The following HCN1 variants were observed in gnomAD, a reference collection of about 807,000 sequenced individuals.
HCN1 encodes potassium/sodium hyperpolarization-activated cyclic nucleotide-gated channel 1.
Under a neutral mutation model 78.9 loss-of-function variants are expected in HCN1, and 13 were observed. That is an observed-to-expected ratio of 0.16 (90% CI 0.11 to 0.26). The LOEUF (loss-of-function observed/expected upper bound fraction) is 0.26, where lower values mean the gene tolerates loss of function less well. Ranked by LOEUF, HCN1 falls within the 10% of genes least tolerant of loss-of-function variation. The pLI, the probability that HCN1 is intolerant of heterozygous loss-of-function variation, is 1.00. For missense variants in HCN1, 810 were observed against 1,154.3 expected, an observed-to-expected ratio of 0.70 and a Z score of 4.32; for synonymous variants, 552 against 455.5, an observed-to-expected ratio of 1.21 and a Z score of -2.70.
chr5:45,548,121 A>T (rs1260438385), intron 2 of HCN1, among the ~76,000 whole-genome samples: 1 of 151,936 alleles, frequency 6.6e-6, no homozygotes, highest in East Asian at 1.9e-4. Context: ...GATATTTAAT[A>T]ATTGTGTTTT....
chr5:45,617,055 T>C (rs577934036), intron 2 of HCN1, among the ~76,000 whole-genome samples: 6 of 152,026 alleles, frequency 3.9e-5, no homozygotes, highest in Non-Finnish European at 7.4e-5. Context: ...CAAAAATACT[T>C]GGCAAGCCCT....
At chr5:45,505,949 A>G (rs1385426593) in intron 2 of HCN1, among the ~76,000 whole-genome samples, 1 of 152,136 alleles carries the variant, frequency 6.6e-6, no homozygotes, top group Admixed American at 6.6e-5. Context: ...GACATAATAA[A>G]GGTATCATTA....
At chr5:45,354,427 C>T (rs1234876293) in intron 4 of HCN1, among the ~76,000 whole-genome samples, 6 of 151,950 alleles carry the variant, frequency 3.9e-5, no homozygotes, top group African/African-American at 1.4e-4. Flanking sequence ...CCTCATGTAA[C>T]ACACATTTGA....
At chr5:45,478,463 G>A (rs557119978) in intron 2 of HCN1, among the ~76,000 whole-genome samples, 2 of 152,288 alleles carry the variant, frequency 1.3e-5, no homozygotes, top group East Asian at 3.9e-4. Context: ...TGTCCGAAGA[G>A]GAACAAGGGT....
rs75829884 is a variant in HCN1, at chr5:45,614,028, T to A, written c.849+31157A>T. On this transcript the variant is annotated intron_variant, in intron 2 of 7. Transcript: ENST00000303230. ...GCCTTAGGTTTATTCTTGTTATGTA[T>A]AGCAGGTCCGGAAAAATGATGTACC... Among the ~76,000 whole-genome samples, 628 of 152,286 alleles carry A rather than the reference T, an allele frequency of 4.1e-3. 10 individuals carry two copies. Among genetic ancestry groups the A allele is most frequent in the African/African-American group, 0.014 (598 of 41,580 alleles).
intron 2 of HCN1, among the ~76,000 whole-genome samples, chr5:45,586,796 G>A (rs902068044): frequency 6.6e-6 from 1 of 152,078 alleles, no homozygotes; most frequent in South Asian, 2.1e-4. Flanking sequence ...TAGCACCAGA[G>A]ACTAAATTAA....
chr5:45,563,747 T>C (rs200111773), intron 2 of HCN1, among the ~76,000 whole-genome samples: 2 of 82,030 alleles, frequency 2.4e-5, no homozygotes, highest in East Asian at 4.2e-4. Flanking sequence ...ATTTAATGAA[T>C]AGTCATCATA....
chr5:45,648,948 A>G (rs986232719), intron 1 of HCN1, among the ~76,000 whole-genome samples: 6 of 151,970 alleles, frequency 3.9e-5, no homozygotes, highest in African/African-American at 9.6e-5. Context: ...CAATTAAACG[A>G]AAACAACTTA....
chr5:45,516,262 T>C (rs1384735), intron 2 of HCN1, among the ~76,000 whole-genome samples: 8,377 of 152,020 alleles, frequency 0.055, 303 homozygotes, highest in East Asian at 0.15. Context: ...TGTTTAAACA[T>C]TGAACACTTT....
chr5:45,490,561 C>T lies in HCN1; in HGVS notation c.850-28554G>A, dbSNP rs533121759. Among the ~76,000 whole-genome samples, 4 of 152,226 alleles carry T rather than the reference C, an allele frequency of 2.6e-5. No homozygotes were observed. The East Asian group carries it at 5.8e-4, about 22-fold the overall frequency. ...TGCCACAATTCCCAGTCAACCCTTA[C>T]CCATTAACTCTCCTCCAGTTCACAC... On this transcript the variant is annotated intron_variant, in intron 2 of 7. Coordinates refer to ENST00000303230, the MANE Select transcript of HCN1 (RefSeq NM_021072.4).
intron 2 of HCN1, among the ~76,000 whole-genome samples, chr5:45,579,020 C>T (rs1324035494): frequency 6.6e-6 from 1 of 151,958 alleles, no homozygotes; most frequent in African/African-American, 2.4e-5. Context: ...TTTCCTAAAA[C>T]AACCTCTCAT....
intron 3 of HCN1, among the ~76,000 whole-genome samples, chr5:45,429,278 T>C (rs1034879103): frequency 6.6e-6 from 1 of 152,252 alleles, no homozygotes; most frequent in African/African-American, 2.4e-5. Context: ...AACAATCATT[T>C]ACTTTTCCCA....
chr5:45,312,746 C>G (rs375683229), intron 5 of HCN1, among the ~76,000 whole-genome samples: 1 of 152,188 alleles, frequency 6.6e-6, no homozygotes, highest in South Asian at 2.1e-4. Context: ...GGGGGTCCCA[C>G]GCCCACAGAG....
intron 4 of HCN1, among the ~76,000 whole-genome samples, chr5:45,382,157 G>T (rs1449552046): frequency 6.6e-6 from 1 of 152,128 alleles, no homozygotes; most frequent in Non-Finnish European, 1.5e-5. Flanking sequence ...CACCAGAAAG[G>T]ACTTCTCCAA....
At chr5:45,315,210 C>T (rs757921038) in intron 5 of HCN1, among the ~76,000 whole-genome samples, 1 of 152,200 alleles carries the variant, frequency 6.6e-6, no homozygotes, top group Non-Finnish European at 1.5e-5. Flanking sequence ...TTATAACAAA[C>T]TGTCTCTCGG....
intron 2 of HCN1, among the ~76,000 whole-genome samples, chr5:45,541,068 G>GA (rs527620699): frequency 2.2e-4 from 33 of 151,442 alleles, no homozygotes; most frequent in African/African-American, 3.4e-4. Flanking sequence ...GCAGAAAAAA[G>GA]AAAAAAAATA....
chr5:45,377,269 A>C (rs993548323), intron 4 of HCN1, among the ~76,000 whole-genome samples: 1 of 152,028 alleles, frequency 6.6e-6, no homozygotes, highest in African/African-American at 2.4e-5. Flanking sequence ...CAGATGTAAA[A>C]AATAACTAGA....
At chr5:45,645,945 C>G (rs915420629) in intron 1 of HCN1, among the ~76,000 whole-genome samples, 10 of 151,556 alleles carry the variant, frequency 6.6e-5, no homozygotes, top group Non-Finnish European at 1.5e-4. Flanking sequence ...TAGACAGAAA[C>G]TAGAAAGAAG....
intron 2 of HCN1, among the ~76,000 whole-genome samples, chr5:45,539,363 A>C (rs1369664365): frequency 1.3e-5 from 2 of 151,146 alleles, no homozygotes; most frequent in Non-Finnish European, 3.0e-5. Context: ...ATAAAATATT[A>C]TTAAATATTT....
Sources: gnomAD v4.1 joint callset for allele counts (sites outside exome capture counted in the v4.1 genomes callset) on GRCh38, gnomAD v4.1.1 for gene constraint, MANE v1.5 for transcripts, NCBI Gene and HGNC (gene_info 2026-07-23, HGNC 2026-07-21) for gene names.